The following ARHGEF28 variants were observed in gnomAD, a reference collection of about 807,000 sequenced individuals.
ARHGEF28 encodes 190 kDa guanine nucleotide exchange factor.
ARHGEF28 carries 152 observed loss-of-function variants against 206.6 expected under a neutral mutation model. The observed-to-expected ratio is 0.74, with a 90% CI of 0.64 to 0.84. The LOEUF is 0.84. ARHGEF28 is among the 40% of genes least tolerant of loss of function. The pLI is 0.00. For synonymous variants in ARHGEF28, 763 were observed against 776.4 expected (o/e 0.98, Z 0.29); for missense variants, 2,028 against 2,073.2 (o/e 0.98, Z 0.42).
Position 73,911,265 on chromosome 5 carries a change from C to A in ARHGEF28, c.4648-10C>A. ...AAATTATTGTACTTTTCCTCTGTTT[C>A]TTTACACAGGTAATGGAACTTAATC... On this transcript the variant is annotated splice_polypyrimidine_tract_variant and intron_variant, in intron 34 of 35. Transcript: ENST00000513042. 6.4e-7 allele frequency: 1 copy of A among 1,566,330 alleles called. No individual in the cohort carries two copies. The highest frequency in any genetic ancestry group is 1.2e-5 in the South Asian group (1 of 85,296).
At chr5:73,728,965 G>C (rs1477700198) in intron 2 of ARHGEF28, among the ~76,000 whole-genome samples, 1 of 152,218 alleles carries the variant, frequency 6.6e-6, no homozygotes, top group Admixed American at 6.5e-5. Flanking sequence ...GAAAATGGCA[G>C]AAAGCCCTGG....
intron 4 of ARHGEF28, among the ~76,000 whole-genome samples, chr5:73,767,999 T>G (rs1226892546): frequency 6.6e-6 from 1 of 152,176 alleles, no homozygotes; most frequent in Non-Finnish European, 1.5e-5. Context: ...ACTCGGGCCA[T>G]GGCTTCTGAG....
chr5:73,660,511 A>G (rs1430563272), intron 1 of ARHGEF28, among the ~76,000 whole-genome samples: 1 of 152,156 alleles, frequency 6.6e-6, no homozygotes, highest in Non-Finnish European at 1.5e-5. Flanking sequence ...TGACATCTAG[A>G]ATGGTGAATT....
intron 2 of ARHGEF28, among the ~76,000 whole-genome samples, chr5:73,704,793 C>A (rs1748835840): frequency 6.6e-6 from 1 of 152,136 alleles, no homozygotes; most frequent in Non-Finnish European, 1.5e-5. Context: ...CACATTTTGC[C>A]TCATCATACA....
chr5:73,690,008 A>G (rs1747713813), intron 2 of ARHGEF28, among the ~76,000 whole-genome samples: 1 of 152,224 alleles, frequency 6.6e-6, no homozygotes, highest in South Asian at 2.1e-4. Flanking sequence ...TGGGAGCTTA[A>G]AAGTTCTGTA....
intron 35 of ARHGEF28, among the ~76,000 whole-genome samples, chr5:73,920,435 T>G (rs1328033160): frequency 8.2e-6 from 1 of 122,270 alleles, no homozygotes; most frequent in African/African-American, 2.6e-5. Flanking sequence ...GAGATCATCT[T>G]TTTTTTATTT....
At chr5:73,800,634 A>C (rs1249623878) in intron 9 of ARHGEF28, among the ~76,000 whole-genome samples, 1 of 151,826 alleles carries the variant, frequency 6.6e-6, no homozygotes, top group Non-Finnish European at 1.5e-5. Context: ...TACCAAAAAA[A>C]ACAAAACAAA....
chr5:73,703,694 C>T lies in ARHGEF28; in HGVS notation c.33+18810C>T, dbSNP rs985107660. Among the ~76,000 whole-genome samples, 5 of 148,318 alleles carry T rather than the reference C, an allele frequency of 3.4e-5. No individual in the cohort carries two copies. In the East Asian group the frequency reaches 7.8e-4, roughly 23 times the overall value. The stretch of plus-strand genomic sequence containing the variant: ...GTGTGTTATGAGTTTTGTCTATCTT[C>T]GTATAGAAGTATAAACTCCACTCTT... On this transcript the variant is annotated intron_variant, in intron 2 of 35. Transcript: ENST00000513042.
At chr5:73,880,381 A>T (rs1011687567) in intron 22 of ARHGEF28, among the ~76,000 whole-genome samples, 5 of 152,134 alleles carry the variant, frequency 3.3e-5, no homozygotes, top group Non-Finnish European at 5.9e-5. Context: ...TGCACTTCCC[A>T]AGTGAGGCAA....
chr5:73,867,997 T>A lies in ARHGEF28; in HGVS notation c.2274T>A (p.Ser758Arg), dbSNP rs371276543. 4.4e-5 allele frequency: 71 copies of A among 1,613,804 alleles called. No homozygotes were observed. Among genetic ancestry groups the A allele is most frequent in the Non-Finnish European group, 5.8e-5 (69 of 1,179,858 alleles). The change falls in exon 19 of 36, where the codon AGT becomes AGA. Residue 758 changes from serine to arginine, a missense_variant. Ser to Arg is a moderately radical substitution (Grantham distance 110). Transcript: ENST00000513042. ...GACAGGTCCATCCATTGTCCAGAAG[T>A]GTTCCAGGCACCACCTTGGAAAGGT... ...TVGQVHPLSR[S>R]VPGTTLESFR...
intron 1 of ARHGEF28, among the ~76,000 whole-genome samples, chr5:73,668,479 A>G (rs938235613): frequency 2.6e-5 from 4 of 152,180 alleles, no homozygotes; most frequent in African/African-American, 9.7e-5. Flanking sequence ...ACCCACTCTC[A>G]TGATAACAAA....
chr5:73,872,671 G>C (rs979233099), intron 21 of ARHGEF28, among the ~76,000 whole-genome samples: 1 of 152,092 alleles, frequency 6.6e-6, no homozygotes, highest in African/African-American at 2.4e-5. Context: ...TATTTCATAG[G>C]GCATTCAGGG....
chr5:73,911,807 A>C, intron 35 of ARHGEF28: 1 of 473,334 alleles, frequency 2.1e-6, no homozygotes, highest in Non-Finnish European at 3.8e-6. Flanking sequence ...GAATGCTCAC[A>C]ACATGTGAGA....
intron 11 of ARHGEF28, among the ~76,000 whole-genome samples, chr5:73,843,873 TAC>T (rs1434927934): frequency 6.6e-6 from 1 of 152,200 alleles, no homozygotes; most frequent in Non-Finnish European, 1.5e-5. Flanking sequence ...TTAAAAAAAC[TAC>T]AGAGCAAGAA....
intron 29 of ARHGEF28, among the ~76,000 whole-genome samples, 182 bp from the exon 30 acceptor site, chr5:73,897,780 G>A (rs1223545231): frequency 6.6e-6 from 1 of 152,224 alleles, no homozygotes; most frequent in African/African-American, 2.4e-5. Context: ...TGTGTGTGGT[G>A]TGCGCGCGTG....
At chr5:73,686,612 G>A (rs550360008) in intron 2 of ARHGEF28, among the ~76,000 whole-genome samples, 38 of 150,204 alleles carry the variant, frequency 2.5e-4, no homozygotes, top group African/African-American at 9.1e-4. Context: ...TCCGTCTCCC[G>A]GGTTCACGCT....
At chr5:73,785,303 A>G (rs2112469007) in intron 7 of ARHGEF28, among the ~76,000 whole-genome samples, 1 of 152,284 alleles carries the variant, frequency 6.6e-6, no homozygotes, top group Non-Finnish European at 1.5e-5. Context: ...AATGGATCAC[A>G]CGAGAGTCCT....
chr5:73,939,866 CT>C (rs545251399), intron 35 of ARHGEF28, among the ~76,000 whole-genome samples: 4 of 151,850 alleles, frequency 2.6e-5, no homozygotes, highest in African/African-American at 7.3e-5. Flanking sequence ...ACAATGGCCT[CT>C]TTTTTTTCTT....
At chr5:73,882,700 C>A in intron 23 of ARHGEF28, 106 bp downstream of exon 23, 1 of 1,092,036 alleles carries the variant, frequency 9.2e-7, no homozygotes, top group African/African-American at 1.7e-5. Context: ...TGATGCTTTT[C>A]AGGGGAAGAA....
Sources: allele counts gnomAD v4.1 joint callset (sites outside exome capture counted in the v4.1 genomes callset), GRCh38; gene constraint gnomAD v4.1.1; transcripts MANE v1.5; gene names NCBI Gene and HGNC (gene_info 2026-07-23, HGNC 2026-07-21).